Variants in EML4 observed in about 807,000 individuals in gnomAD.
EML4 encodes echinoderm microtubule-associated protein-like 4.
In EML4, 72 loss-of-function variants were observed where a neutral mutation model predicts 129.0. The ratio of observed to expected loss-of-function variants is 0.56; its 90% CI spans 0.46 to 0.68. EML4 has a LOEUF of 0.68. Ranked by LOEUF, EML4 falls within the 30% of genes least tolerant of loss-of-function variation. The pLI, the probability that EML4 is intolerant of heterozygous loss-of-function variation, is 0.00. For synonymous variants in EML4, 532 were observed against 405.0 expected (o/e 1.31, Z -3.77); for missense variants, 1,363 against 1,190.6 (o/e 1.14, Z -2.13).
rs1302621633 is a variant in EML4, at chr2:42,229,729, T to C, written c.26-15776T>C. Reference sequence around the variant, plus strand: ...ATAAAAAATAGTAAGAGGAAAACTCTAGCAAAATAAATCTAGAGTCTTGGT... The same window carrying C: ...ATAAAAAATAGTAAGAGGAAAACTCCAGCAAAATAAATCTAGAGTCTTGGT... On this transcript the variant is annotated intron_variant, in intron 1 of 22. Coordinates refer to ENST00000318522, the MANE Select transcript of EML4 (RefSeq NM_019063.5). Among the ~76,000 whole-genome samples the C allele has an allele frequency of 2.0e-5, 3 of 152,180 alleles. No homozygotes were observed. The East Asian group carries it at 5.8e-4, about 29-fold the overall frequency.
intron 1 of EML4, among the ~76,000 whole-genome samples, chr2:42,231,379 G>A (rs17029369): frequency 0.032 from 4,865 of 152,130 alleles, 242 homozygotes; most frequent in African/African-American, 0.1. Flanking sequence ...ATAAAGCTCC[G>A]AAGTGTAATC....
intron 1 of EML4, among the ~76,000 whole-genome samples, chr2:42,210,376 G>A (rs943196820): frequency 6.6e-6 from 1 of 152,178 alleles, no homozygotes; most frequent in African/African-American, 2.4e-5. Flanking sequence ...CAGAGGGAAA[G>A]TGCCATCCTC....
intron 1 of EML4, among the ~76,000 whole-genome samples, chr2:42,171,361 G>A (rs2103777554): frequency 6.6e-6 from 1 of 152,306 alleles, no homozygotes; most frequent in East Asian, 1.9e-4. Flanking sequence ...CTTCTTTCGT[G>A]TTGGCTCTAA....
At chr2:42,269,658 T>C (rs1467954604) in intron 6 of EML4, among the ~76,000 whole-genome samples, 5 of 152,190 alleles carry the variant, frequency 3.3e-5, no homozygotes, top group Non-Finnish European at 7.4e-5. Context: ...ATGAAGTATG[T>C]AGATAACTGT....
chr2:42,295,046 G>T, intron 11 of EML4, 79 bp from the exon 12 acceptor site: 2 of 1,285,430 alleles, frequency 1.6e-6, no homozygotes, highest in African/African-American at 1.5e-5. Flanking sequence ...ATCGTTAATT[G>T]TAAGTAGCAG....
chr2:42,169,545 A>G lies in EML4; in HGVS notation c.-67A>G, dbSNP rs373728283. On this transcript the variant is annotated 5_prime_UTR_variant, in exon 1 of 23. Coordinates refer to ENST00000318522, the MANE Select transcript of EML4 (RefSeq NM_019063.5). ...GAGCGGGTCAGGCTCAGCGTCGGCCACTCTGTCGGTCCGCTGAATGAAGTG... is the reference window on the plus strand; with the variant it reads ...GAGCGGGTCAGGCTCAGCGTCGGCCGCTCTGTCGGTCCGCTGAATGAAGTG... The G allele has an allele frequency of 1.3e-6, 2 of 1,559,502 alleles. No individual in the cohort carries two copies. The highest frequency in any genetic ancestry group is 1.4e-5 in the African/African-American group (1 of 72,708).
intron 17 of EML4, among the ~76,000 whole-genome samples, chr2:42,315,067 C>A (rs995505096): frequency 5.3e-5 from 8 of 152,178 alleles, no homozygotes; most frequent in Non-Finnish European, 1.2e-4. Flanking sequence ...TTGAATCACA[C>A]CAAATGAATG....
chr2:42,242,865 TTGAC>T (rs1331034310), intron 1 of EML4, among the ~76,000 whole-genome samples: 1 of 152,058 alleles, frequency 6.6e-6, no homozygotes, highest in Non-Finnish European at 1.5e-5. Context: ...AAACCCATCT[TTGAC>T]TGGGTTTAAG....
intron 1 of EML4, among the ~76,000 whole-genome samples, chr2:42,237,249 T>A (rs975973768): frequency 1.3e-5 from 2 of 152,168 alleles, no homozygotes; most frequent in Non-Finnish European, 1.5e-5. Flanking sequence ...TACTAATTTT[T>A]ATCATTTATT....
intron 1 of EML4, among the ~76,000 whole-genome samples, chr2:42,230,478 C>G (rs1403747799): frequency 1.3e-5 from 2 of 152,134 alleles, no homozygotes; most frequent in Non-Finnish European, 2.9e-5. Flanking sequence ...GCAATCTTGG[C>G]TCACTGTAAC....
At chr2:42,293,445 A>G (rs574439187) in intron 11 of EML4, among the ~76,000 whole-genome samples, 1 of 152,200 alleles carries the variant, frequency 6.6e-6, no homozygotes, top group Admixed American at 6.5e-5. Context: ...TGCTTATGCA[A>G]AGGCCCTTAA....
At chr2:42,187,451 TTG>T (rs1000568956) in intron 1 of EML4, among the ~76,000 whole-genome samples, 123 of 152,340 alleles carry the variant, frequency 8.1e-4, no homozygotes, top group African/African-American at 2.8e-3. Flanking sequence ...TCCATGTTGT[TTG>T]TTTCACTAGT....
chr2:42,263,627 T>A, intron 5 of EML4, among the ~76,000 whole-genome samples: 1 of 151,816 alleles, frequency 6.6e-6, no homozygotes, highest in Admixed American at 6.6e-5. Context: ...ATGGTCTCGA[T>A]CTCTTGACCT....
At chr2:42,267,943 A>G (rs1413222166) in intron 6 of EML4, among the ~76,000 whole-genome samples, 3 of 152,238 alleles carry the variant, frequency 2.0e-5, no homozygotes, top group Admixed American at 6.5e-5. Flanking sequence ...GTAGTACAAT[A>G]ATATTCACTT....
At chr2:42,244,458 T>C (rs1011029238) in intron 1 of EML4, among the ~76,000 whole-genome samples, 8 of 152,214 alleles carry the variant, frequency 5.3e-5, no homozygotes, top group Non-Finnish European at 8.8e-5. Context: ...TAGTATAGTC[T>C]AAAGTTACAT....
chr2:42,248,812 T>C (rs1675580206), intron 2 of EML4, among the ~76,000 whole-genome samples: 1 of 152,168 alleles, frequency 6.6e-6, no homozygotes, highest in Admixed American at 6.5e-5. Context: ...TGAAATGGTT[T>C]GATGGGGGTA....
intron 1 of EML4, among the ~76,000 whole-genome samples, chr2:42,189,273 T>G (rs1365725889): frequency 6.6e-6 from 1 of 152,220 alleles, no homozygotes; most frequent in Non-Finnish European, 1.5e-5. Flanking sequence ...TGCTGATTTT[T>G]CCTCTTTAAT....
At chr2:42,324,618 CA>C (rs561725020) in intron 19 of EML4, among the ~76,000 whole-genome samples, 1 of 150,442 alleles carries the variant, frequency 6.6e-6, no homozygotes, top group African/African-American at 2.4e-5. Context: ...GACCCTGTCT[CA>C]AAAAAAAAGT....
At chr2:42,232,955 C>T (rs896459553) in intron 1 of EML4, among the ~76,000 whole-genome samples, 2 of 152,094 alleles carry the variant, frequency 1.3e-5, no homozygotes, top group Non-Finnish European at 2.9e-5. Context: ...TCCATCTGAC[C>T]TCGTGATCCC....
Sources: allele counts gnomAD v4.1 joint callset (sites outside exome capture counted in the v4.1 genomes callset), GRCh38; gene constraint gnomAD v4.1.1; transcripts MANE v1.5; gene names NCBI Gene and HGNC (gene_info 2026-07-23, HGNC 2026-07-21).